Variants in ELMOD1 observed in about 807,000 individuals in gnomAD.
The protein encoded by ELMOD1 is ELMO domain-containing protein 1.
A neutral mutation model predicts 46.7 loss-of-function variants in ELMOD1; 21 were observed. The ratio of observed to expected loss-of-function variants is 0.45; its 90% CI spans 0.32 to 0.65. The LOEUF (loss-of-function observed/expected upper bound fraction) is 0.65, where lower values mean the gene tolerates loss of function less well. ELMOD1 is among the 30% of genes least tolerant of loss of function. The pLI, the probability that ELMOD1 is intolerant of heterozygous loss-of-function variation, is 0.04. For missense variants in ELMOD1, 348 were observed against 407.8 expected (o/e 0.85, Z 1.26); for synonymous variants, 122 against 138.2 (o/e 0.88, Z 0.82).
intron 1 of ELMOD1, among the ~76,000 whole-genome samples, chr11:107,615,660 C>G (rs1200601114): frequency 3.3e-5 from 5 of 151,980 alleles, no homozygotes; most frequent in Non-Finnish European, 5.9e-5. Flanking sequence ...GTCCTTTTTT[C>G]TATTCCAGGA....
At chr11:107,643,534 G>A (rs1866363238) in intron 6 of ELMOD1, 1 of 489,372 alleles carries the variant, frequency 2.0e-6, no homozygotes, top group Non-Finnish European at 4.2e-6. Context: ...GTCTGTAGTA[G>A]AACACTCTTG....
At chr11:107,596,420 CT>C (rs745677333) in intron 1 of ELMOD1, among the ~76,000 whole-genome samples, 15 of 152,036 alleles carry the variant, frequency 9.9e-5, no homozygotes, top group Non-Finnish European at 1.9e-4. Context: ...ACATTTCTTA[CT>C]TTTTCCTTTA....
intron 1 of ELMOD1, among the ~76,000 whole-genome samples, chr11:107,613,803 A>G (rs559654004): frequency 3.8e-4 from 58 of 152,312 alleles, no homozygotes; most frequent in Non-Finnish European, 6.3e-4. Flanking sequence ...TCCTAATGAC[A>G]AAGAGCTTTT....
At chr11:107,633,189 TG>T (rs1389748796) in intron 5 of ELMOD1, among the ~76,000 whole-genome samples, 1 of 152,202 alleles carries the variant, frequency 6.6e-6, no homozygotes, top group Non-Finnish European at 1.5e-5. Context: ...TTACTCAACC[TG>T]TAGTATTTTT....
intron 1 of ELMOD1, chr11:107,592,199 T>C: frequency 2.6e-6 from 1 of 388,588 alleles, no homozygotes; most frequent in Non-Finnish European, 5.4e-6. Flanking sequence ...TTATGAATAT[T>C]TCAGGAACGA....
intron 1 of ELMOD1, among the ~76,000 whole-genome samples, chr11:107,614,482 G>A (rs1052085919): frequency 6.6e-5 from 10 of 152,124 alleles, no homozygotes; most frequent in African/African-American, 2.4e-4. Flanking sequence ...GGGGCTACAG[G>A]CACACACCAC....
intron 5 of ELMOD1, among the ~76,000 whole-genome samples, chr11:107,635,082 T>A (rs1177489930): frequency 6.6e-6 from 1 of 152,180 alleles, no homozygotes; most frequent in Non-Finnish European, 1.5e-5. Context: ...TGTTATTTTG[T>A]TTCACTTCAT....
At position 107,642,406 on chromosome 11, in the gene ELMOD1, T is replaced by A. The variant is rs191704194; in HGVS notation, c.421-5062T>A. On this transcript the variant is annotated intron_variant, in intron 6 of 11. Transcript: ENST00000265840. ...ATTTTTGAGATGGAGTCTCACTCTG[T>A]CACCCAGGCTGGAGTGCAGTGGCAC... is the stretch of plus-strand genomic sequence containing the variant. Among the ~76,000 whole-genome samples, 413 of 152,190 alleles carry A rather than the reference T, an allele frequency of 2.7e-3. 3 individuals carry two copies. Among genetic ancestry groups the A allele is most frequent in the African/African-American group, 9.5e-3 (395 of 41,534 alleles).
intron 6 of ELMOD1, among the ~76,000 whole-genome samples, chr11:107,644,963 G>C (rs1866398540): frequency 6.7e-6 from 1 of 149,552 alleles, no homozygotes; most frequent in Non-Finnish European, 1.5e-5. Context: ...TCACTCTGTC[G>C]CCCGGGCTGG....
At chr11:107,635,117 G>C (rs1041761284) in intron 5 of ELMOD1, among the ~76,000 whole-genome samples, 3 of 152,112 alleles carry the variant, frequency 2.0e-5, no homozygotes, top group African/African-American at 7.2e-5. Context: ...TTTCCTTGAA[G>C]CCCTTAAGGG....
chr11:107,633,334 C>G (rs1020696366), intron 5 of ELMOD1, among the ~76,000 whole-genome samples: 1 of 152,134 alleles, frequency 6.6e-6, no homozygotes. Flanking sequence ...TATAACTTAC[C>G]AAACTGTTAC....
At chr11:107,643,061 G>C in intron 6 of ELMOD1, 1 of 228,328 alleles carries the variant, frequency 4.4e-6, no homozygotes, top group Non-Finnish European at 9.2e-6. Context: ...GAAGCATGTG[G>C]CCAGGCACAG....
intron 10 of ELMOD1, among the ~76,000 whole-genome samples, chr11:107,655,280 G>T (rs1228430872): frequency 6.6e-6 from 1 of 152,036 alleles, no homozygotes; most frequent in Non-Finnish European, 1.5e-5. Flanking sequence ...AATTTATTTT[G>T]CTGTCTGTCT....
At chr11:107,627,319 A>G (rs1866060637) in intron 2 of ELMOD1, among the ~76,000 whole-genome samples, 2 of 152,224 alleles carry the variant, frequency 1.3e-5, no homozygotes, top group African/African-American at 2.4e-5. Flanking sequence ...TCAAATGTGC[A>G]CAATTGAAAT....
chr11:107,635,568 A>C, intron 5 of ELMOD1, 68 bp from the exon 6 acceptor site: 2 of 1,528,410 alleles, frequency 1.3e-6, no homozygotes, highest in Non-Finnish European at 1.8e-6. Flanking sequence ...GCATACATCA[A>C]GTGAACAAAT....
At chr11:107,626,832 C>T (rs1463374106) in intron 2 of ELMOD1, among the ~76,000 whole-genome samples, 1 of 152,038 alleles carries the variant, frequency 6.6e-6, no homozygotes, top group Non-Finnish European at 1.5e-5. Context: ...TTTCCATAAA[C>T]TTTGTGATTT....
At chr11:107,626,946 T>A (rs1457035296) in intron 2 of ELMOD1, among the ~76,000 whole-genome samples, 4 of 152,172 alleles carry the variant, frequency 2.6e-5, no homozygotes, top group Non-Finnish European at 5.9e-5. Flanking sequence ...GAGGAGTTGG[T>A]CCTTTTATAA....
At chr11:107,659,907 A>G (rs1352372952) in intron 11 of ELMOD1, among the ~76,000 whole-genome samples, 1 of 152,044 alleles carries the variant, frequency 6.6e-6, no homozygotes, top group Non-Finnish European at 1.5e-5. Flanking sequence ...ACAAAAGAAA[A>G]AAGTATTAGT....
At chr11:107,597,231 G>C (rs931321573) in intron 1 of ELMOD1, among the ~76,000 whole-genome samples, 1 of 152,134 alleles carries the variant, frequency 6.6e-6, no homozygotes, top group Admixed American at 6.5e-5. Flanking sequence ...TCTTAGCCCA[G>C]AACAAGCACT....
Sources: gnomAD v4.1 joint callset for allele counts (sites outside exome capture counted in the v4.1 genomes callset) on GRCh38, gnomAD v4.1.1 for gene constraint, MANE v1.5 for transcripts, NCBI Gene and HGNC (gene_info 2026-07-23, HGNC 2026-07-21) for gene names.